STRAP: variants seen among roughly 807,000 people sequenced by gnomAD.
STRAP encodes serine-threonine kinase receptor-associated protein.
STRAP carries 16 observed loss-of-function variants against 47.0 expected under a neutral mutation model. The ratio of observed to expected loss-of-function variants is 0.34; its 90% CI spans 0.23 to 0.52. The LOEUF (loss-of-function observed/expected upper bound fraction) is 0.52, where lower values mean the gene tolerates loss of function less well. STRAP is among the 20% of genes least tolerant of loss of function. The pLI, the probability that STRAP is intolerant of heterozygous loss-of-function variation, is 0.96. For synonymous variants in STRAP, 130 were observed against 142.7 expected (o/e 0.91, Z 0.63); for missense variants, 293 against 420.0 (o/e 0.70, Z 2.64).
intron 6 of STRAP, 108 bp downstream of exon 6, chr12:15,895,604 T>C: frequency 8.3e-7 from 1 of 1,208,278 alleles, no homozygotes; most frequent in Non-Finnish European, 1.1e-6. Context: ...AGGCCAGGAG[T>C]GGTGGCTTAT....
intron 2 of STRAP, among the ~76,000 whole-genome samples, chr12:15,888,265 A>G (rs1013022746): frequency 6.6e-6 from 1 of 152,210 alleles, no homozygotes; most frequent in Non-Finnish European, 1.5e-5. Context: ...AGAACATAGG[A>G]GCCTGGAAGA....
In STRAP at chr12:15,890,267, C is replaced by G. The variant is rs1048228893; in HGVS notation, c.330+258C>G. On this transcript the variant is annotated intron_variant, in intron 3 of 9. Coordinates refer to ENST00000419869, the MANE Select transcript of STRAP (RefSeq NM_007178.4). The surrounding 1 kb of genome is among the most constrained non-coding windows in gnomAD (Gnocchi z 4.5). ...AAAAACATCTGAAAAGCTCAAGTAG[C>G]CTTCCCCAACTACTAATAGAAGGGA... Among the ~76,000 whole-genome samples the G allele has an allele frequency of 6.6e-6, 1 of 152,108 alleles. No homozygotes were observed. Among genetic ancestry groups the G allele is most frequent in the Non-Finnish European group, 1.5e-5 (1 of 68,022 alleles).
chr12:15,889,824 C>A, intron 2 of STRAP, 104 bp from the exon 3 acceptor site: 2 of 794,408 alleles, frequency 2.5e-6, no homozygotes, highest in Non-Finnish European at 2.0e-6. Context: ...TGTAACATTT[C>A]ACATATCTAA....
intron 7 of STRAP, 72 bp from the exon 8 acceptor site, chr12:15,899,832 T>C: frequency 1.4e-6 from 2 of 1,424,080 alleles, no homozygotes; most frequent in Non-Finnish European, 1.9e-6. Context: ...ACACAGACAG[T>C]ATTTTTTTTT....
chr12:15,895,318 C>T (rs1377664334), intron 5 of STRAP, 41 bp from the exon 6 acceptor site: 3 of 1,421,142 alleles, frequency 2.1e-6, no homozygotes, highest in Non-Finnish European at 2.8e-6. Flanking sequence ...AAACTTTTTT[C>T]TTACATGAGT....
At chr12:15,883,197 T>G in intron 1 of STRAP, 1 of 1,438,158 alleles carries the variant, frequency 7.0e-7, no homozygotes, top group Admixed American at 2.0e-5. Flanking sequence ...ACGTTCGCTC[T>G]TGTCTCACTG....
At chr12:15,901,238 T>C (rs1320856985) in intron 9 of STRAP, among the ~76,000 whole-genome samples, 4 of 152,160 alleles carry the variant, frequency 2.6e-5, no homozygotes, top group Non-Finnish European at 4.4e-5. Flanking sequence ...ACACAACCGA[T>C]GTGGTTACTC....
intron 8 of STRAP, among the ~76,000 whole-genome samples, chr12:15,900,528 A>G (rs937626304): frequency 6.6e-6 from 1 of 152,134 alleles, no homozygotes; most frequent in African/African-American, 2.4e-5. Context: ...CTCAAAAAAA[A>G]AAAAAAGAAA....
rs377025940 is a variant in STRAP at position 15,899,895 on chromosome 12, C to G, written c.776-9C>G. The G allele has an allele frequency of 1.9e-6, 3 of 1,608,116 alleles. No individual in the cohort carries two copies. Among genetic ancestry groups the G allele is most frequent in the Non-Finnish European group, 2.5e-6 (3 of 1,178,030 alleles). On this transcript the variant is annotated splice_polypyrimidine_tract_variant and intron_variant, in intron 7 of 9. Coordinates refer to ENST00000419869, the MANE Select transcript of STRAP (RefSeq NM_007178.4). Reference sequence around the variant, plus strand: ...GTTAAAATTATCTAATAGCCCTCTTCTTTTTCAGAATCCTACAAGGGACAC... The same window carrying G: ...GTTAAAATTATCTAATAGCCCTCTTGTTTTTCAGAATCCTACAAGGGACAC...
At position 15,899,935 on chromosome 12, in the gene STRAP, C is replaced by T. The variant is rs750835585; in HGVS notation, c.807C>T (p.His269=). The T allele has an allele frequency of 3.7e-6, 6 of 1,613,366 alleles. No individual in the cohort carries two copies. Among genetic ancestry groups the T allele is most frequent in the Non-Finnish European group, 5.1e-6 (6 of 1,179,762 alleles). ...ESYKGHFGPI[H]CVRFSPDGEL... ...ACAAGGGACACTTTGGTCCTATTCA[C>T]TGTGTGAGATTTAGTCCTGATGGAG... Residue 269 remains histidine, a synonymous_variant, in exon 8 of 10, where the codon CAC becomes CAT. Transcript: ENST00000419869.
chr12:15,883,460 A>T, intron 1 of STRAP, 81 bp from the exon 2 acceptor site: 1 of 1,456,240 alleles, frequency 6.9e-7, no homozygotes. Context: ...GTCATTGAAC[A>T]TCATTGTATA....
chr12:15,893,232 C>T (rs536164567), intron 4 of STRAP, among the ~76,000 whole-genome samples: 115 of 151,668 alleles, frequency 7.6e-4, no homozygotes, highest in Admixed American at 2.1e-3. Context: ...AATTGCTGTC[C>T]CACTTTCTAT....
intron 2 of STRAP, among the ~76,000 whole-genome samples, chr12:15,885,878 T>C (rs1409650351): frequency 2.0e-5 from 3 of 152,168 alleles, no homozygotes; most frequent in African/African-American, 7.2e-5. Flanking sequence ...CTGAAGTCTA[T>C]TACACCTATG....
At chr12:15,899,765 AAATT>A (rs1948088493) in intron 7 of STRAP, 135 bp from the exon 8 acceptor site, 6 of 766,240 alleles carry the variant, frequency 7.8e-6, no homozygotes, top group Non-Finnish European at 1.1e-5. Flanking sequence ...TTGTGATGAG[AAATT>A]AATTAAGTAC....
At position 15,890,426 on chromosome 12, in the gene STRAP, G is replaced by A. The variant is rs752050087; in HGVS notation, c.331-171G>A. On this transcript the variant is annotated intron_variant, in intron 3 of 9. Coordinates refer to ENST00000419869, the MANE Select transcript of STRAP (RefSeq NM_007178.4). The surrounding 1 kb of genome is among the most constrained non-coding windows in gnomAD (Gnocchi z 4.5). ...AGTGGAAAGCTTACAAGTCTTGGCA[G>A]TTATGAGAGGTCAGCTGTTCCACAG... 1.2e-4 allele frequency among the ~76,000 whole-genome samples: 19 copies of A among 152,202 alleles called. No individual in the cohort carries two copies. Among genetic ancestry groups the A allele is most frequent in the Non-Finnish European group, 2.6e-4 (18 of 68,038 alleles).
chr12:15,891,938 C>T (rs1302599692), intron 4 of STRAP, among the ~76,000 whole-genome samples: 1 of 144,240 alleles, frequency 6.9e-6, no homozygotes. Flanking sequence ...AACTCCTTCT[C>T]AAAAAGAAAA....
chr12:15,883,720 T>C, intron 2 of STRAP, 44 bp downstream of exon 2: 1 of 1,603,228 alleles, frequency 6.2e-7, no homozygotes, highest in African/African-American at 1.3e-5. Context: ...CTCTGTAGCT[T>C]GTGTCCTGAA....
chr12:15,901,199 G>A (rs543101756), intron 9 of STRAP, among the ~76,000 whole-genome samples, 187 bp downstream of exon 9: 19 of 152,124 alleles, frequency 1.2e-4, no homozygotes, highest in Non-Finnish European at 2.5e-4. Context: ...CTACTGCATA[G>A]TAGTAATAGG....
At chr12:15,882,917 G>C (rs1238212954) in intron 1 of STRAP, 98 bp downstream of exon 1, 1 of 1,388,312 alleles carries the variant, frequency 7.2e-7, no homozygotes, top group African/African-American at 1.4e-5. Context: ...TGTGGTGAGG[G>C]GGGAGGGGGC....
Sources: allele counts gnomAD v4.1 joint callset (sites outside exome capture counted in the v4.1 genomes callset), GRCh38; gene constraint gnomAD v4.1.1; non-coding constraint Gnocchi (gnomAD v3.1); transcripts MANE v1.5; gene names NCBI Gene and HGNC (gene_info 2026-07-23, HGNC 2026-07-21).